Variants in SOX6 observed in about 807,000 individuals in gnomAD.
The protein encoded by SOX6 is transcription factor SOX-6.
SOX6 carries 11 observed loss-of-function variants against 97.8 expected under a neutral mutation model. The observed-to-expected ratio is 0.11, with a 90% CI of 0.07 to 0.19. SOX6 has a LOEUF of 0.19. Among genes scored for constraint, SOX6 ranks in the 10% least tolerant of loss-of-function variants. The pLI, the probability that SOX6 is intolerant of heterozygous loss-of-function variation, is 1.00. For missense variants in SOX6, 810 were observed against 1,039.5 expected, an observed-to-expected ratio of 0.78 and a Z score of 3.04; for synonymous variants, 360 against 371.4, an observed-to-expected ratio of 0.97 and a Z score of 0.35.
chr11:16,649,815 C>T (rs2134012266), intron 3 of SOX6, among the ~76,000 whole-genome samples: 1 of 152,080 alleles, frequency 6.6e-6, no homozygotes, highest in East Asian at 1.9e-4. Context: ...AAATGTTCCA[C>T]TTAAAAGGTA....
intron 6 of SOX6, among the ~76,000 whole-genome samples, chr11:16,154,659 A>T (rs1564987211): frequency 6.7e-6 from 1 of 150,144 alleles, no homozygotes; most frequent in South Asian, 2.1e-4. Flanking sequence ...ATTTGCTTAC[A>T]AAAAAAAATG....
chr11:16,342,786 T>C (rs1856673682), intron 1 of SOX6, among the ~76,000 whole-genome samples: 4 of 151,862 alleles, frequency 2.6e-5, no homozygotes, highest in Admixed American at 1.3e-4. Context: ...TAAGATCAGC[T>C]AATCTAATTA....
intron 6 of SOX6, among the ~76,000 whole-genome samples, chr11:16,164,813 T>C (rs1230093314): frequency 1.3e-5 from 2 of 148,478 alleles, no homozygotes; most frequent in African/African-American, 2.5e-5. Flanking sequence ...AGAGCGAGAC[T>C]TGGTATCAAA....
At chr11:16,427,041 T>C (rs1220077094) in intron 1 of SOX6, among the ~76,000 whole-genome samples, 5 of 148,430 alleles carry the variant, frequency 3.4e-5, no homozygotes, top group African/African-American at 1.3e-4. Flanking sequence ...ACCTAGGCAA[T>C]ACCATTCAGG....
At chr11:16,701,626 G>C (rs990949480) in intron 3 of SOX6, among the ~76,000 whole-genome samples, 1 of 152,062 alleles carries the variant, frequency 6.6e-6, no homozygotes, top group Non-Finnish European at 1.5e-5. Context: ...GGGAGGCCGA[G>C]GCAGGCGGAT....
At position 16,053,159 on chromosome 11, in the gene SOX6, C is replaced by T. The variant is rs543191808; in HGVS notation, c.1251+2593G>A. On this transcript the variant is annotated intron_variant, in intron 10 of 15. Coordinates refer to ENST00000683767, the MANE Select transcript of SOX6 (RefSeq NM_001367873.1). ...CCTATGAAGCTTCCTGCATAGTTGCCTGGAAACTTCCTTCCAATAGTGAGC... is the reference window on the plus strand; with the variant it reads ...CCTATGAAGCTTCCTGCATAGTTGCTTGGAAACTTCCTTCCAATAGTGAGC... Among the ~76,000 whole-genome samples, 3 of 152,300 alleles carry T rather than the reference C, an allele frequency of 2.0e-5. No individual in the cohort carries two copies. The South Asian group carries it at 6.2e-4, about 32-fold the overall frequency.
intron 6 of SOX6, among the ~76,000 whole-genome samples, chr11:16,180,811 A>G (rs548689075): frequency 2.4e-4 from 37 of 151,924 alleles, no homozygotes; most frequent in African/African-American, 8.9e-4. Flanking sequence ...AAATAATGTT[A>G]AAAAATATAT....
intron 4 of SOX6, among the ~76,000 whole-genome samples, chr11:16,501,014 C>T (rs1198547244): frequency 6.6e-6 from 1 of 152,110 alleles, no homozygotes; most frequent in Non-Finnish European, 1.5e-5. Flanking sequence ...CAATCCTAAG[C>T]CAAAAGAACA....
At chr11:16,701,372 A>T (rs1848091846) in intron 3 of SOX6, among the ~76,000 whole-genome samples, 1 of 152,216 alleles carries the variant, frequency 6.6e-6, no homozygotes, top group Non-Finnish European at 1.5e-5. Flanking sequence ...AAATAAAATT[A>T]TGTTAAGGAA....
intron 12 of SOX6, among the ~76,000 whole-genome samples, chr11:16,037,296 T>C (rs1042197065): frequency 6.6e-6 from 1 of 152,172 alleles, no homozygotes; most frequent in Non-Finnish European, 1.5e-5. Context: ...GAAATTAATT[T>C]GTTTATGTGG....
intron 13 of SOX6, among the ~76,000 whole-genome samples, chr11:15,998,686 A>G (rs1183973428): frequency 6.6e-6 from 1 of 152,164 alleles, no homozygotes; most frequent in Admixed American, 6.5e-5. Flanking sequence ...GTGGAAAACG[A>G]TAGTTTTTTC....
intron 4 of SOX6, among the ~76,000 whole-genome samples, chr11:16,569,609 A>G (rs987035683): frequency 1.3e-5 from 2 of 152,150 alleles, no homozygotes; most frequent in African/African-American, 2.4e-5. Flanking sequence ...GGATATAGCA[A>G]TGTACCACCT....
chr11:16,036,591 T>C (rs1855525954), intron 12 of SOX6, among the ~76,000 whole-genome samples: 1 of 152,132 alleles, frequency 6.6e-6, no homozygotes, highest in Non-Finnish European at 1.5e-5. Flanking sequence ...GGTTAAGAGA[T>C]TTTTAGACAG....
chr11:16,492,103 T>C (rs1203716863), intron 4 of SOX6, among the ~76,000 whole-genome samples: 3 of 152,180 alleles, frequency 2.0e-5, no homozygotes, highest in Admixed American at 2.0e-4. Context: ...AACAAAATAT[T>C]GAAAGCATTA....
At chr11:16,687,143 A>G (rs1847975717) in intron 3 of SOX6, among the ~76,000 whole-genome samples, 1 of 152,184 alleles carries the variant, frequency 6.6e-6, no homozygotes, top group South Asian at 2.1e-4. Flanking sequence ...AAAAAAAGAA[A>G]TACTTGAGAC....
chr11:16,076,639 T>C (rs1372178758), intron 9 of SOX6, among the ~76,000 whole-genome samples: 2 of 150,168 alleles, frequency 1.3e-5, no homozygotes, highest in African/African-American at 4.9e-5. Flanking sequence ...TGGGAGGCCC[T>C]AGGAAACTTA....
intron 3 of SOX6, among the ~76,000 whole-genome samples, chr11:16,707,182 A>C (rs1848144277): frequency 6.6e-6 from 1 of 152,222 alleles, no homozygotes; most frequent in South Asian, 2.1e-4. Flanking sequence ...TAAGCAAAGA[A>C]GCAGTGTTTT....
intron 4 of SOX6, among the ~76,000 whole-genome samples, chr11:16,214,746 ATTT>A (rs368038119): frequency 0.061 from 7,940 of 131,030 alleles, 286 homozygotes; most frequent in East Asian, 0.22. Context: ...ACTGGAACCA[ATTT>A]TTTTTTTTTT....
In SOX6 at chr11:16,058,552, A is replaced by T. The variant is rs1476611250; in HGVS notation, c.1102-2651T>A. The stretch of plus-strand genomic sequence containing the variant: ...AATGATGCAGAAAGTCTGCTTTTTC[A>T]TTGGGAAATCACAAATATCAATATC... On this transcript the variant is annotated intron_variant, in intron 9 of 15. Transcript: ENST00000683767. Among the ~76,000 whole-genome samples the T allele has an allele frequency of 2.6e-5, 4 of 152,090 alleles. No individual in the cohort carries two copies. The East Asian group carries it at 7.7e-4, about 29-fold the overall frequency.
Sources: allele counts gnomAD v4.1 joint callset (sites outside exome capture counted in the v4.1 genomes callset), GRCh38; gene constraint gnomAD v4.1.1; transcripts MANE v1.5; gene names NCBI Gene and HGNC (gene_info 2026-07-23, HGNC 2026-07-21).